WWOX: variants seen among roughly 807,000 people sequenced by gnomAD.
The protein encoded by WWOX is WW domain-containing oxidoreductase.
A neutral mutation model predicts 46.2 loss-of-function variants in WWOX; 69 were observed. The observed-to-expected ratio is 1.49, with a 90% CI of 1.23 to 1.82. WWOX has a LOEUF of 1.82. WWOX is among the 40% of genes most tolerant of loss of function. The pLI, the probability that WWOX is intolerant of heterozygous loss-of-function variation, is 0.00. For synonymous variants in WWOX, 359 were observed against 202.6 expected (o/e 1.77, Z -6.56); for missense variants, 919 against 542.6 (o/e 1.69, Z -6.89).
chr16:79,068,616 A>G (rs1162502224), intron 8 of WWOX, among the ~76,000 whole-genome samples: 1 of 151,712 alleles, frequency 6.6e-6, no homozygotes, highest in Non-Finnish European at 1.5e-5. Flanking sequence ...CCTGGGCAAC[A>G]TGGTGAGACC....
At chr16:78,940,209 T>A (rs1197167974) in intron 8 of WWOX, among the ~76,000 whole-genome samples, 2 of 152,228 alleles carry the variant, frequency 1.3e-5, no homozygotes, top group African/African-American at 4.8e-5. Context: ...CATTATAAAT[T>A]CGAGTAACAG....
At chr16:78,591,087 G>A (rs1158262145) in intron 8 of WWOX, among the ~76,000 whole-genome samples, 1 of 152,188 alleles carries the variant, frequency 6.6e-6, no homozygotes, top group Non-Finnish European at 1.5e-5. Context: ...GAGGTGACAT[G>A]CCATGATGTG....
chr16:79,056,350 A>C (rs915898794), intron 8 of WWOX, among the ~76,000 whole-genome samples: 1 of 152,242 alleles, frequency 6.6e-6, no homozygotes, highest in Non-Finnish European at 1.5e-5. Context: ...TTGAAGAATG[A>C]CTGTAATACA....
At chr16:78,380,496 G>A (rs962943200) in intron 5 of WWOX, among the ~76,000 whole-genome samples, 13 of 152,080 alleles carry the variant, frequency 8.5e-5, no homozygotes, top group African/African-American at 1.2e-4. Context: ...GGCCAGTGAC[G>A]ACCCATTCAG....
intron 8 of WWOX, among the ~76,000 whole-genome samples, chr16:78,530,181 C>T (rs992923559): frequency 2.0e-5 from 3 of 152,138 alleles, no homozygotes; most frequent in Admixed American, 6.5e-5. Flanking sequence ...AGGGGATGCC[C>T]GTGACCCCTG....
At chr16:78,908,239 C>A (rs1373181218) in intron 8 of WWOX, among the ~76,000 whole-genome samples, 1 of 151,962 alleles carries the variant, frequency 6.6e-6, no homozygotes, top group African/African-American at 2.4e-5. Context: ...AGGGGGATTG[C>A]CATAAAGAAA....
chr16:78,603,428 C>G (rs927027635), intron 8 of WWOX, among the ~76,000 whole-genome samples: 2 of 152,216 alleles, frequency 1.3e-5, no homozygotes, highest in African/African-American at 4.8e-5. Context: ...GGTGCAGTGC[C>G]TCATGCCTGC....
At chr16:78,722,829 C>A (rs181284057) in intron 8 of WWOX, among the ~76,000 whole-genome samples, 37 of 151,526 alleles carry the variant, frequency 2.4e-4, no homozygotes, top group African/African-American at 9.0e-4. Flanking sequence ...TTGCTTGAGC[C>A]CAGTAGTTCA....
At chr16:78,943,188 C>A (rs2045885296) in intron 8 of WWOX, among the ~76,000 whole-genome samples, 1 of 151,746 alleles carries the variant, frequency 6.6e-6, no homozygotes, top group Admixed American at 6.6e-5. Context: ...ATATGATGTA[C>A]ATTTCATTTT....
chr16:79,044,315 C>G (rs1382007044), intron 8 of WWOX, among the ~76,000 whole-genome samples: 3 of 152,172 alleles, frequency 2.0e-5, no homozygotes, highest in African/African-American at 7.2e-5. Flanking sequence ...CTGCCCAAAG[C>G]TCATGTCAAA....
intron 8 of WWOX, among the ~76,000 whole-genome samples, chr16:78,857,645 C>G (rs1261247409): frequency 6.6e-6 from 1 of 152,188 alleles, no homozygotes; most frequent in Non-Finnish European, 1.5e-5. Flanking sequence ...CTTGTCATTT[C>G]ATTTTCCTAT....
At chr16:78,788,156 C>G (rs902651086) in intron 8 of WWOX, among the ~76,000 whole-genome samples, 1 of 152,082 alleles carries the variant, frequency 6.6e-6, no homozygotes, top group African/African-American at 2.4e-5. Flanking sequence ...TTGATGAAGT[C>G]CCCTTTATCT....
intron 8 of WWOX, among the ~76,000 whole-genome samples, chr16:78,951,348 C>G (rs2046055738): frequency 6.6e-6 from 1 of 151,472 alleles, no homozygotes; most frequent in East Asian, 1.9e-4. Flanking sequence ...TAGCTTCAAG[C>G]AAGAGTCCCA....
At chr16:78,899,136 T>A (rs575855795) in intron 8 of WWOX, 2 of 152,212 alleles carry the variant, frequency 1.3e-5, no homozygotes, top group East Asian at 1.9e-4. Flanking sequence ...TGAACAGAGG[T>A]TTTGAGACAG....
At chr16:78,109,672 A>T (rs933322000) in intron 2 of WWOX, 106 bp from the exon 3 acceptor site, 8 of 1,021,750 alleles carry the variant, frequency 7.8e-6, no homozygotes, top group African/African-American at 4.2e-5. Context: ...GCTGGGTGGG[A>T]GGGACAGGCT....
In WWOX at chr16:78,363,146, T is replaced by G. The variant is rs541857289; in HGVS notation, c.517-23714T>G. ...CAGTGGTCACTGTGTGTGTATGTGTTTGTGTGTGTGTGTGTGTATGTGTCT... is the reference window on the plus strand; with the variant it reads ...CAGTGGTCACTGTGTGTGTATGTGTGTGTGTGTGTGTGTGTGTATGTGTCT... On this transcript the variant is annotated intron_variant, in intron 5 of 8. Transcript: ENST00000566780. Among the ~76,000 whole-genome samples, 1,394 of 150,872 alleles carry G rather than the reference T, an allele frequency of 9.2e-3. 25 individuals are homozygous for G. The highest frequency in any genetic ancestry group is 0.033 in the African/African-American group (1,352 of 41,176).
chr16:78,752,943 G>A (rs1312998267), intron 8 of WWOX, among the ~76,000 whole-genome samples: 1 of 152,150 alleles, frequency 6.6e-6, no homozygotes, highest in Admixed American at 6.5e-5. Context: ...AATATCAGTG[G>A]GGATAATTCT....
At chr16:78,881,807 T>C (rs1041092991) in intron 8 of WWOX, among the ~76,000 whole-genome samples, 1 of 152,212 alleles carries the variant, frequency 6.6e-6, no homozygotes, top group African/African-American at 2.4e-5. Context: ...TTTATGGATA[T>C]AGGCATTTTC....
chr16:78,395,327 T>G (rs2082260973), intron 6 of WWOX, among the ~76,000 whole-genome samples: 1 of 152,152 alleles, frequency 6.6e-6, no homozygotes, highest in Non-Finnish European at 1.5e-5. Flanking sequence ...GAGACCAGCC[T>G]CGGTAATTTG....
Sources: gnomAD v4.1 joint callset for allele counts (sites outside exome capture counted in the v4.1 genomes callset) on GRCh38, gnomAD v4.1.1 for gene constraint, MANE v1.5 for transcripts, NCBI Gene and HGNC (gene_info 2026-07-23, HGNC 2026-07-21) for gene names.